Variants in KIF2A observed in about 807,000 individuals in gnomAD.
The protein encoded by KIF2A is kinesin-like protein KIF2A.
In KIF2A, 22 loss-of-function variants were observed where a neutral mutation model predicts 100.2. The observed-to-expected ratio is 0.22, with a 90% CI of 0.16 to 0.31. The LOEUF (loss-of-function observed/expected upper bound fraction) is 0.31, where lower values mean the gene tolerates loss of function less well. KIF2A is among the 10% of genes least tolerant of loss of function. KIF2A has a pLI of 1.00. For synonymous variants in KIF2A, 268 were observed against 285.9 expected (o/e 0.94, Z 0.63); for missense variants, 495 against 898.7 (o/e 0.55, Z 5.74).
At chr5:62,317,634 ATAAT>A (rs1352897876) in intron 1 of KIF2A, among the ~76,000 whole-genome samples, 1 of 152,238 alleles carries the variant, frequency 6.6e-6, no homozygotes, top group Non-Finnish European at 1.5e-5. Context: ...TGGAAGTCAC[ATAAT>A]TAATTTCATA....
At chr5:62,308,963 G>C (rs1464990902) in intron 1 of KIF2A, among the ~76,000 whole-genome samples, 1 of 152,130 alleles carries the variant, frequency 6.6e-6, no homozygotes, top group African/African-American at 2.4e-5. Flanking sequence ...CCATTTTGCT[G>C]TCTATATTCC....
intron 4 of KIF2A, 24 bp downstream of exon 4, chr5:62,350,144 A>C: frequency 7.2e-7 from 1 of 1,394,598 alleles, no homozygotes; most frequent in South Asian, 1.3e-5. Flanking sequence ...TTATCTCTTA[A>C]TTTTGGCTAT....
intron 11 of KIF2A, 73 bp downstream of exon 11, chr5:62,361,602 T>C (rs1748411567): frequency 2.4e-6 from 2 of 842,408 alleles, no homozygotes; most frequent in East Asian, 4.9e-5. Context: ...AAATAAGGCT[T>C]TAAAATATTG....
At chr5:62,320,145 T>TA (rs1649697066) in intron 1 of KIF2A, among the ~76,000 whole-genome samples, 1 of 152,200 alleles carries the variant, frequency 6.6e-6, no homozygotes, top group Non-Finnish European at 1.5e-5. Flanking sequence ...ATAATAATGA[T>TA]ATCTTGGAGA....
chr5:62,372,618 C>A, intron 17 of KIF2A, 67 bp downstream of exon 17: 1 of 909,728 alleles, frequency 1.1e-6, no homozygotes, highest in Non-Finnish European at 1.7e-6. Flanking sequence ...TTTGTATAAA[C>A]ATTTCATTTG....
Position 62,386,421 on chromosome 5 carries a change from T to C in KIF2A, c.*852T>C, listed in dbSNP as rs941168216. ...CTTAGGAAAATACATATATATGCAG[T>C]GTGTGTGCCAGTGTGGTATTAACAA... On this transcript the variant is annotated 3_prime_UTR_variant, in exon 21 of 21. Coordinates refer to ENST00000407818, the MANE Select transcript of KIF2A (RefSeq NM_001098511.3). 3 of 152,182 alleles carry C rather than the reference T, an allele frequency of 2.0e-5. No homozygotes were observed. Among genetic ancestry groups the C allele is most frequent in the Non-Finnish European group, 4.4e-5 (3 of 68,034 alleles). 9.4% of individuals were successfully genotyped at this position (152,182 alleles called of 1,614,324 possible). A position where few individuals can be genotyped will look rare whatever the true frequency, so the allele number is the denominator to read the frequency against.
At chr5:62,364,585 C>A (rs437494) in intron 14 of KIF2A, among the ~76,000 whole-genome samples, 72,949 of 151,782 alleles carry the variant, frequency 0.48, 18,313 homozygotes, top group East Asian at 0.63. Flanking sequence ...TTGAGTAGAA[C>A]ACCAAAGGTT....
chr5:62,319,235 T>G (rs1745984593), intron 1 of KIF2A, among the ~76,000 whole-genome samples: 1 of 152,166 alleles, frequency 6.6e-6, no homozygotes, highest in Non-Finnish European at 1.5e-5. Flanking sequence ...CAGAGTAACC[T>G]TTCAGGCATG....
intron 1 of KIF2A, among the ~76,000 whole-genome samples, chr5:62,322,651 C>G (rs577166435): frequency 9.2e-5 from 14 of 152,242 alleles, no homozygotes; most frequent in African/African-American, 2.4e-4. Flanking sequence ...CCTTGCAACT[C>G]TAGTCTCAAA....
intron 15 of KIF2A, among the ~76,000 whole-genome samples, chr5:62,365,934 G>C (rs186512490): frequency 6.6e-6 from 1 of 152,090 alleles, no homozygotes; most frequent in Non-Finnish European, 1.5e-5. Flanking sequence ...CCAGAAGGGA[G>C]AGTACCACAC....
Position 62,317,317 on chromosome 5 carries a change from G to A in KIF2A, c.64+10781G>A, listed in dbSNP as rs180727032. Among the ~76,000 whole-genome samples the A allele has an allele frequency of 2.9e-3, 445 of 152,268 alleles. 4 individuals are homozygous for A. The highest frequency in any genetic ancestry group is 4.2e-3 in the Non-Finnish European group (283 of 68,012). ...CCTGTCTTGGCCTCCCAAAGTGCTG[G>A]GATTACAGGCGTGAGCCACAGTGCC... On this transcript the variant is annotated intron_variant, in intron 1 of 20. Transcript: ENST00000407818.
At chr5:62,366,241 C>T (rs1580083347) in intron 15 of KIF2A, among the ~76,000 whole-genome samples, 173 bp from the exon 16 acceptor site, 1 of 152,074 alleles carries the variant, frequency 6.6e-6, no homozygotes, top group East Asian at 1.9e-4. Context: ...TTTAACTAGA[C>T]TTTATCTGAT....
In KIF2A at chr5:62,363,707, A is replaced by G. The variant is rs1740923052; in HGVS notation, c.1275A>G (p.Gln425=). 6.2e-7 allele frequency: 1 copy of G among 1,613,892 alleles called. No individual in the cohort carries two copies. Among genetic ancestry groups the G allele is most frequent in the Non-Finnish European group, 8.5e-7 (1 of 1,179,780 alleles). Residue 425 remains glutamine (Q), a synonymous_variant, in exon 14 of 21, where the codon CAA becomes CAG. Transcript: ENST00000407818. ...AATCACATTGTAGAACATCCGGTCAAACATCTGCAAATGCACATTCATCTC... is the reference window on the plus strand; with the variant it reads ...AATCACATTGTAGAACATCCGGTCAGACATCTGCAAATGCACATTCATCTC... ...DIGNSCRTSG[Q]TSANAHSSRS...
chr5:62,357,830 GA>G, intron 8 of KIF2A, 85 bp downstream of exon 8: 1 of 860,936 alleles, frequency 1.2e-6, no homozygotes, highest in Non-Finnish European at 1.8e-6. Context: ...AATTGGTTTG[GA>G]AAAAATGTAA....
chr5:62,338,360 C>T lies in KIF2A; in HGVS notation c.65-8770C>T, dbSNP rs540368558. Among the ~76,000 whole-genome samples, 3 of 152,300 alleles carry T rather than the reference C, an allele frequency of 2.0e-5. No homozygotes were observed. The South Asian group carries it at 6.2e-4, about 32-fold the overall frequency. ...CTCGAGTGCAGAGGCACAATCTTGG[C>T]TCACTTCAACCTCTGCCTCCCGGGC... On this transcript the variant is annotated intron_variant, in intron 1 of 20. Coordinates refer to ENST00000407818, the MANE Select transcript of KIF2A (RefSeq NM_001098511.3).
At chr5:62,384,580 G>C (rs35238667) in intron 20 of KIF2A, among the ~76,000 whole-genome samples, 8,520 of 152,186 alleles carry the variant, frequency 0.056, 326 homozygotes, top group East Asian at 0.13. Flanking sequence ...CCAAATGCCC[G>C]CTGGGGGCCA....
chr5:62,324,810 T>C (rs889577435), intron 1 of KIF2A, among the ~76,000 whole-genome samples: 2 of 151,384 alleles, frequency 1.3e-5, no homozygotes, highest in Admixed American at 6.6e-5. Context: ...TCAAAGAATG[T>C]ATGACCAAGT....
At chr5:62,313,845 G>A (rs942715524) in intron 1 of KIF2A, among the ~76,000 whole-genome samples, 1 of 152,068 alleles carries the variant, frequency 6.6e-6, no homozygotes, top group Non-Finnish European at 1.5e-5. Flanking sequence ...AGGCTGGAGT[G>A]CAGTGGCATG....
At chr5:62,348,533 T>C (rs1487368996) in intron 3 of KIF2A, among the ~76,000 whole-genome samples, 2 of 152,182 alleles carry the variant, frequency 1.3e-5, no homozygotes, top group African/African-American at 4.8e-5. Context: ...ACTCTGATAG[T>C]CTTTTGAAAG....
Sources: allele counts gnomAD v4.1 joint callset (sites outside exome capture counted in the v4.1 genomes callset), GRCh38; gene constraint gnomAD v4.1.1; transcripts MANE v1.5; gene names NCBI Gene and HGNC (gene_info 2026-07-23, HGNC 2026-07-21).